Variants in ST6GAL1 observed in about 807,000 individuals in gnomAD.
The protein encoded by ST6GAL1 is ST6 beta-galactoside alpha-2,6-sialyltransferase 1, also known as beta-galactoside alpha-2,6-sialyltransferase 1.
A neutral mutation model predicts 38.0 loss-of-function variants in ST6GAL1; 20 were observed. The ratio of observed to expected loss-of-function variants is 0.53; its 90% CI spans 0.37 to 0.77. The LOEUF (loss-of-function observed/expected upper bound fraction) is 0.77. ST6GAL1 is among the 30% of genes least tolerant of loss of function. The pLI, the probability that ST6GAL1 is intolerant of heterozygous loss-of-function variation, is 0.00. For missense variants in ST6GAL1, 432 were observed against 496.4 expected (o/e 0.87, Z 1.23); for synonymous variants, 196 against 188.2 (o/e 1.04, Z -0.34).
intron 2 of ST6GAL1, among the ~76,000 whole-genome samples, chr3:187,009,806 C>T (rs1325319462): frequency 4.6e-5 from 7 of 151,998 alleles, no homozygotes; most frequent in Admixed American, 4.6e-4. Flanking sequence ...GAGTTCAAGA[C>T]CACCCTGGCC....
intron 1 of ST6GAL1, among the ~76,000 whole-genome samples, chr3:186,947,423 T>G (rs1225610970): frequency 6.6e-6 from 1 of 152,202 alleles, no homozygotes; most frequent in Non-Finnish European, 1.5e-5. Context: ...GCCCATGGTT[T>G]TTCTATTGTG....
At chr3:187,052,562 C>T (rs1224882563) in intron 5 of ST6GAL1, among the ~76,000 whole-genome samples, 2 of 152,254 alleles carry the variant, frequency 1.3e-5, no homozygotes, top group East Asian at 3.9e-4. Flanking sequence ...GTTTTCTGTC[C>T]TTGTGATAGT....
chr3:186,987,196 G>GAAGGA (rs59834484), intron 2 of ST6GAL1, among the ~76,000 whole-genome samples: 6 of 100,456 alleles, frequency 6.0e-5, no homozygotes, highest in South Asian at 3.1e-4. Flanking sequence ...GGGAGGGAGG[G>GAAGGA]AGGGAAGGAA....
intron 2 of ST6GAL1, among the ~76,000 whole-genome samples, chr3:187,027,704 C>A (rs1007249189): frequency 6.6e-6 from 1 of 152,072 alleles, no homozygotes; most frequent in Non-Finnish European, 1.5e-5. Context: ...CTTCAACAAA[C>A]AGGTATTGAG....
intron 4 of ST6GAL1, among the ~76,000 whole-genome samples, chr3:187,048,901 T>C (rs1423920985): frequency 2.3e-5 from 2 of 86,978 alleles, no homozygotes; most frequent in East Asian, 7.1e-4. Flanking sequence ...TTTTTTTTTT[T>C]TTTTTTTGAG....
At chr3:186,970,239 G>C (rs1183661991) in intron 2 of ST6GAL1, among the ~76,000 whole-genome samples, 8 of 141,798 alleles carry the variant, frequency 5.6e-5, no homozygotes, top group African/African-American at 1.8e-4. Flanking sequence ...TTTTAAGACA[G>C]AGTTGCACTC....
intron 2 of ST6GAL1, among the ~76,000 whole-genome samples, chr3:186,973,530 C>A (rs1372008443): frequency 1.3e-5 from 2 of 152,218 alleles, no homozygotes; most frequent in African/African-American, 2.4e-5. Context: ...CACTTCATCT[C>A]ACCCTTGCCC....
intron 1 of ST6GAL1, among the ~76,000 whole-genome samples, chr3:186,959,289 C>T (rs1714854706): frequency 6.6e-6 from 1 of 152,140 alleles, no homozygotes; most frequent in East Asian, 1.9e-4. Context: ...ATCTCTTGGC[C>T]TAGCACTAAA....
intron 1 of ST6GAL1, among the ~76,000 whole-genome samples, chr3:186,950,618 A>G (rs950545654): frequency 3.9e-5 from 6 of 152,244 alleles, no homozygotes; most frequent in Admixed American, 2.0e-4. Flanking sequence ...TTGTTATCAA[A>G]TTCAGACAGC....
At chr3:187,033,357 G>A (rs1717820167) in intron 2 of ST6GAL1, among the ~76,000 whole-genome samples, 1 of 142,330 alleles carries the variant, frequency 7.0e-6, no homozygotes, top group Admixed American at 7.1e-5. Flanking sequence ...AGCTTGCAGT[G>A]AGCCAAGATT....
chr3:186,989,786 A>T (rs532548324), intron 2 of ST6GAL1, among the ~76,000 whole-genome samples: 2 of 152,360 alleles, frequency 1.3e-5, no homozygotes, highest in Admixed American at 6.5e-5. Context: ...TTTGAAAAAT[A>T]GCAGAATAAC....
chr3:187,073,203 G>T lies in ST6GAL1; in HGVS notation c.804+256G>T, dbSNP rs549829568. Among the ~76,000 whole-genome samples the T allele has an allele frequency of 3.3e-5, 5 of 152,336 alleles. No homozygotes were observed. In the South Asian group the frequency reaches 1.0e-3, roughly 32 times the overall value. On this transcript the variant is annotated intron_variant, in intron 6 of 7. Transcript: ENST00000169298. ...AGTATTTACTGGGATAGTGGCTGGA[G>T]TTCCCAGCATCTGGGGTAGATTGTT...
chr3:186,950,468 G>C (rs1449112784), intron 1 of ST6GAL1, among the ~76,000 whole-genome samples: 9 of 152,218 alleles, frequency 5.9e-5, no homozygotes, highest in Admixed American at 5.9e-4. Context: ...TGGGCTCCAG[G>C]CTTAGGGCTA....
intron 5 of ST6GAL1, among the ~76,000 whole-genome samples, chr3:187,058,121 C>G (rs963832496): frequency 9.2e-5 from 14 of 152,220 alleles, no homozygotes; most frequent in Non-Finnish European, 1.9e-4. Context: ...ATATAATCTC[C>G]TGGTGTGCCA....
At chr3:186,986,203 T>C (rs184670356) in intron 2 of ST6GAL1, 3 of 152,042 alleles carry the variant, frequency 2.0e-5, no homozygotes, top group Non-Finnish European at 4.4e-5. Flanking sequence ...CCACAAAATA[T>C]CATGTTTCGG....
At chr3:186,996,647 C>G (rs1179480419) in intron 2 of ST6GAL1, 1 of 152,176 alleles carries the variant, frequency 6.6e-6, no homozygotes, top group Non-Finnish European at 1.5e-5. Context: ...CAACGACGTT[C>G]CATCTGTGGA....
At chr3:187,001,366 A>G (rs141687514) in intron 2 of ST6GAL1, among the ~76,000 whole-genome samples, 21 of 152,348 alleles carry the variant, frequency 1.4e-4, no homozygotes, top group Middle Eastern at 3.4e-3. Context: ...ATCAGGTGAC[A>G]GCAATGTCTC....
chr3:187,016,966 G>A (rs1717136994), intron 2 of ST6GAL1, among the ~76,000 whole-genome samples: 1 of 152,194 alleles, frequency 6.6e-6, no homozygotes, highest in Non-Finnish European at 1.5e-5. Flanking sequence ...ACTCACTTTG[G>A]CCTACTAATC....
At chr3:186,953,428 G>C (rs187269752) in intron 1 of ST6GAL1, among the ~76,000 whole-genome samples, 13 of 152,066 alleles carry the variant, frequency 8.5e-5, no homozygotes, top group Admixed American at 8.5e-4. Flanking sequence ...TATTGTTTTC[G>C]TCTCTTCTTC....
Sources: allele counts gnomAD v4.1 joint callset (sites outside exome capture counted in the v4.1 genomes callset), GRCh38; gene constraint gnomAD v4.1.1; transcripts MANE v1.5; gene names NCBI Gene and HGNC (gene_info 2026-07-23, HGNC 2026-07-21).